The following PIGF variants were observed in gnomAD, a reference collection of about 807,000 sequenced individuals.
The protein encoded by PIGF is phosphatidylinositol glycan anchor biosynthesis class F.
Under a neutral mutation model 26.0 loss-of-function variants are expected in PIGF, and 23 were observed. The observed-to-expected ratio is 0.88, with a 90% CI of 0.64 to 1.25. The LOEUF (loss-of-function observed/expected upper bound fraction) is 1.25. PIGF is among the 50% of genes most tolerant of loss of function. The pLI, the probability that PIGF is intolerant of heterozygous loss-of-function variation, is 0.00. For missense variants in PIGF, 278 were observed against 249.9 expected (o/e 1.11, Z -0.76); for synonymous variants, 93 against 92.6 (o/e 1.00, Z -0.03).
chr2:46,614,969 TA>T lies in PIGF; in HGVS notation c.195del (p.Asn65LysfsTer13). On this transcript the variant is annotated frameshift_variant, in exon 2 of 6. Transcript: ENST00000281382. LOFTEE classifies it high-confidence loss of function. ...GATAATGAACTTCTTTTAGAGGATG[TA>T]TTTGGTTTCACTACTAAATATAGTA... is the stretch of plus-strand genomic sequence containing the variant. ...NLVLYLVVKP[N>X]TSSKRSSLSH... The T allele has an allele frequency of 6.3e-7, 1 of 1,580,598 alleles. No homozygotes were observed. The highest frequency in any genetic ancestry group is 8.7e-7 in the Non-Finnish European group (1 of 1,149,518).
rs775108427 is a variant in PIGF at position 46,612,270 on chromosome 2, C to G, written c.395G>C (p.Gly132Ala). Reference sequence around the variant, plus strand: ...TCTTAGCCATGCTTTGAGGTTTGGTCCTAACAAACATAAGCAAGGCACAGT... The same window carrying G: ...TCTTAGCCATGCTTTGAGGTTTGGTGCTAACAAACATAAGCAAGGCACAGT... The part of the protein sequence containing the change: ...FTTVPCLCLL[G>A]PNLKAWLRVF... The change falls in exon 4 of 6, where the codon GGA (glycine) becomes GCA (alanine). Residue 132 changes from glycine to alanine, a missense_variant. Gly to Ala is a moderately conservative substitution (Grantham distance 60). Transcript: ENST00000281382. 11 of 1,469,646 alleles carry G rather than the reference C, an allele frequency of 7.5e-6. No individual in the cohort carries two copies. Among genetic ancestry groups the G allele is most frequent in the Non-Finnish European group, 1.0e-5 (11 of 1,101,730 alleles). 91.0% of individuals were successfully genotyped at this position (1,469,646 alleles called of 1,614,324 possible). A position where few individuals can be genotyped will look rare whatever the true frequency, so the allele number is the denominator to read the frequency against.
Position 46,615,005 on chromosome 2 carries a change from C to T in PIGF, c.160G>A (p.Val54Ile). The change falls in exon 2 of 6, where the codon GTC becomes ATC. Residue 54 changes from valine to isoleucine, a missense_variant. Val to Ile is a conservative substitution (Grantham distance 29, BLOSUM62 3). Transcript: ENST00000281382. The part of the protein sequence containing the change: ...LCICSGFVTA[V>I]NLVLYLVVKP... Reference sequence around the variant, plus strand: ...ACTACTAAATATAGTACTAGATTGACAGCAGTTACAAAACCAGAACAGATG... The same window carrying T: ...ACTACTAAATATAGTACTAGATTGATAGCAGTTACAAAACCAGAACAGATG... The T allele has an allele frequency of 2.5e-6, 4 of 1,609,052 alleles. No individual in the cohort carries two copies. The highest frequency in any genetic ancestry group is 3.4e-6 in the Non-Finnish European group (4 of 1,175,510).
intron 5 of PIGF, among the ~76,000 whole-genome samples, chr2:46,587,128 G>A (rs930526449): frequency 6.6e-6 from 1 of 152,186 alleles, no homozygotes; most frequent in African/African-American, 2.4e-5. Flanking sequence ...CCAGTTCAAT[G>A]TTAACACATT....
rs775383701 is a variant in PIGF, at chr2:46,588,326, C to G, written c.546+4149G>C. 6.8e-6 allele frequency: 7 copies of G among 1,028,876 alleles called. No homozygotes were observed. Among genetic ancestry groups the G allele is most frequent in the Non-Finnish European group, 6.8e-6 (5 of 729,956 alleles). The allele number at this position is 1,028,876 out of a possible 1,614,324, so 63.7% of individuals were successfully genotyped here. A position where few individuals can be genotyped will look rare whatever the true frequency, so the allele number is the denominator to read the frequency against. ...GAAAAAATAAAACAACAAACTGAGA[C>G]AATTAACATATTCTCTAATATATGA... On this transcript the variant is annotated intron_variant, in intron 5 of 5. Coordinates refer to ENST00000281382, the MANE Select transcript of PIGF (RefSeq NM_002643.4). The surrounding 1 kb of genome is among the most constrained non-coding windows in gnomAD (Gnocchi z 4.1).
At chr2:46,587,409 C>T (rs1359525009) in intron 5 of PIGF, among the ~76,000 whole-genome samples, 1 of 150,674 alleles carries the variant, frequency 6.6e-6, no homozygotes, top group Non-Finnish European at 1.5e-5. Context: ...ACATATTTCA[C>T]AAATACTAGA....
At position 46,616,988 on chromosome 2, in the gene PIGF, G is replaced by T; in HGVS notation, c.-40C>A. Reference sequence around the variant, plus strand: ...GGCTTACCTAACTCTCCCTCCCGCGGAAGGGAAGCGGGGAACTACTGCCTC... The same window carrying T: ...GGCTTACCTAACTCTCCCTCCCGCGTAAGGGAAGCGGGGAACTACTGCCTC... On this transcript the variant is annotated 5_prime_UTR_variant, in exon 1 of 6. Coordinates refer to ENST00000281382, the MANE Select transcript of PIGF (RefSeq NM_002643.4). 1.8e-6 allele frequency: 1 copy of T among 546,392 alleles called. No homozygotes were observed. The highest frequency in any genetic ancestry group is 3.3e-6 in the Non-Finnish European group (1 of 306,690). The allele number at this position is 546,392 out of a possible 1,614,324, so 33.8% of individuals were successfully genotyped here.
At chr2:46,605,865 C>CTA (rs1310291686) in intron 4 of PIGF, among the ~76,000 whole-genome samples, 2 of 152,096 alleles carry the variant, frequency 1.3e-5, no homozygotes, top group African/African-American at 4.8e-5. Context: ...CTGAGAAACT[C>CTA]TATAATGAAA....
intron 4 of PIGF, among the ~76,000 whole-genome samples, chr2:46,607,852 G>A (rs1048244038): frequency 2.6e-5 from 4 of 152,144 alleles, no homozygotes; most frequent in East Asian, 3.9e-4. Context: ...CTACCAGCAC[G>A]CCCAGCTAAT....
In PIGF at chr2:46,586,896, G is replaced by A. The variant is rs562672666; in HGVS notation, c.547-5305C>T. ...CTCATCCATGTATACACTCTCCTGTGACTAAGAATACTACTTTAGGAAGAG... is the reference window on the plus strand; with the variant it reads ...CTCATCCATGTATACACTCTCCTGTAACTAAGAATACTACTTTAGGAAGAG... On this transcript the variant is annotated intron_variant, in intron 5 of 5. Transcript: ENST00000281382. Among the ~76,000 whole-genome samples, 16 of 152,326 alleles carry A rather than the reference G, an allele frequency of 1.1e-4. No individual in the cohort carries two copies. In the South Asian group the frequency reaches 1.9e-3, roughly 18 times the overall value.
rs368263327 is a variant in PIGF at position 46,588,061 on chromosome 2, G to T, written c.546+4414C>A. On this transcript the variant is annotated intron_variant, in intron 5 of 5. Transcript: ENST00000281382. The surrounding 1 kb of genome is among the most constrained non-coding windows in gnomAD (Gnocchi z 4.1). The stretch of plus-strand genomic sequence containing the variant: ...CTTGGACTTTCTAGTGTATAAAATG[G>T]GAGTAAAACCTACCTTGCACTACGG... 9.7e-6 allele frequency: 15 copies of T among 1,545,300 alleles called. No individual in the cohort carries two copies. In the African/African-American group the frequency reaches 1.8e-4, roughly 19 times the overall value.
intron 4 of PIGF, among the ~76,000 whole-genome samples, chr2:46,604,832 T>C (rs1411759069): frequency 6.6e-6 from 1 of 151,968 alleles, no homozygotes; most frequent in Non-Finnish European, 1.5e-5. Flanking sequence ...ATAATTTAAC[T>C]GTACATTTAA....
At chr2:46,585,716 T>A (rs2104063148) in intron 5 of PIGF, among the ~76,000 whole-genome samples, 1 of 152,288 alleles carries the variant, frequency 6.6e-6, no homozygotes, top group Non-Finnish European at 1.5e-5. Flanking sequence ...GAATAGTTCA[T>A]GAGTAATATA....
intron 3 of PIGF, 34 bp downstream of exon 3, chr2:46,613,660 A>C: frequency 5.6e-6 from 8 of 1,436,576 alleles, no homozygotes; most frequent in Non-Finnish European, 7.5e-6. Context: ...GAATGTTTTA[A>C]AATATAAATT....
Position 46,588,395 on chromosome 2 carries a change from A to C in PIGF, c.546+4080T>G. On this transcript the variant is annotated intron_variant, in intron 5 of 5. Coordinates refer to ENST00000281382, the MANE Select transcript of PIGF (RefSeq NM_002643.4). This position sits in a 1 kb window ranked among gnomAD's most constrained non-coding sequence, Gnocchi z 4.1. ...GAATTTGCATTTTTTGAAGGCTAAA[A>C]ATATAGTCATTAAACTATGTCTTTT... 2.0e-6 allele frequency: 1 copy of C among 506,878 alleles called. No homozygotes were observed. The highest frequency in any genetic ancestry group is 2.6e-5 in the South Asian group (1 of 38,856). 31.4% of individuals were successfully genotyped at this position (506,878 alleles called of 1,614,324 possible).
At chr2:46,614,058 A>G (rs181579939) in intron 2 of PIGF, 122 of 302,356 alleles carry the variant, frequency 4.0e-4, no homozygotes, top group Non-Finnish European at 3.7e-5. Flanking sequence ...CCATGGTAAT[A>G]TAGAGCTATG....
At chr2:46,583,835 A>G (rs1669482339) in intron 5 of PIGF, among the ~76,000 whole-genome samples, 1 of 152,204 alleles carries the variant, frequency 6.6e-6, no homozygotes, top group South Asian at 2.1e-4. Flanking sequence ...CACTGCCTCA[A>G]ATAAGGCCAT....
chr2:46,615,364 T>A (rs552928878), intron 1 of PIGF, 179 bp from the exon 2 acceptor site: 1 of 453,028 alleles, frequency 2.2e-6, no homozygotes, highest in Admixed American at 4.0e-5. Flanking sequence ...TATTCTACCT[T>A]TGATTTTCTT....
At chr2:46,599,324 C>T (rs1057140209) in intron 4 of PIGF, among the ~76,000 whole-genome samples, 2 of 152,090 alleles carry the variant, frequency 1.3e-5, no homozygotes, top group African/African-American at 4.8e-5. Context: ...TAGTGAGTCC[C>T]TTTGATGTAC....
At position 46,588,046 on chromosome 2, in the gene PIGF, C is replaced by G; in HGVS notation, c.546+4429G>C. Reference sequence around the variant, plus strand: ...TCCTCCCCTCTCACACTTGGACTTTCTAGTGTATAAAATGGGAGTAAAACC... The same window carrying G: ...TCCTCCCCTCTCACACTTGGACTTTGTAGTGTATAAAATGGGAGTAAAACC... On this transcript the variant is annotated intron_variant, in intron 5 of 5. Coordinates refer to ENST00000281382, the MANE Select transcript of PIGF (RefSeq NM_002643.4). This position sits in a 1 kb window ranked among gnomAD's most constrained non-coding sequence, Gnocchi z 4.1. 1.3e-6 allele frequency: 2 copies of G among 1,519,370 alleles called. No individual in the cohort carries two copies. Among genetic ancestry groups the G allele is most frequent in the South Asian group, 1.3e-5 (1 of 79,294 alleles). 94.1% of individuals were successfully genotyped at this position (1,519,370 alleles called of 1,614,324 possible).
Sources: gnomAD v4.1 joint callset for allele counts (sites outside exome capture counted in the v4.1 genomes callset) on GRCh38, gnomAD v4.1.1 for gene constraint, Gnocchi (gnomAD v3.1) non-coding constraint, MANE v1.5 for transcripts, NCBI Gene and HGNC (gene_info 2026-07-23, HGNC 2026-07-21) for gene names.